MPP7: variants seen among roughly 807,000 people sequenced by gnomAD.
MPP7 encodes the protein MAGUK p55 subfamily member 7.
A neutral mutation model predicts 76.5 loss-of-function variants in MPP7; 60 were observed. The ratio of observed to expected loss-of-function variants is 0.78; its 90% CI spans 0.64 to 0.97. The LOEUF is 0.97. MPP7 is among the 50% of genes least tolerant of loss of function. MPP7 has a pLI of 0.00. For missense variants in MPP7, 641 were observed against 694.0 expected, an observed-to-expected ratio of 0.92 and a Z score of 0.86; for synonymous variants, 237 against 244.5, an observed-to-expected ratio of 0.97 and a Z score of 0.29.
intron 2 of MPP7, among the ~76,000 whole-genome samples, chr10:28,204,637 A>G (rs973468790): frequency 1.3e-5 from 2 of 152,198 alleles, no homozygotes; most frequent in African/African-American, 2.4e-5. Context: ...ACATGAGATC[A>G]TAACATCAAT....
chr10:28,152,168 G>C (rs1438078926), intron 3 of MPP7, among the ~76,000 whole-genome samples: 3 of 152,068 alleles, frequency 2.0e-5, no homozygotes, highest in African/African-American at 7.3e-5. Flanking sequence ...TTCACAAATA[G>C]TCAGTTTCTC....
chr10:28,081,753 G>A (rs1852770717), intron 12 of MPP7, among the ~76,000 whole-genome samples: 1 of 149,308 alleles, frequency 6.7e-6, no homozygotes, highest in South Asian at 2.1e-4. Context: ...GAAACACTGG[G>A]CAAAAAATTA....
At position 28,103,326 on chromosome 10, in the gene MPP7, G is replaced by A. The variant is rs116676183; in HGVS notation, c.953-13485C>T. Reference sequence around the variant, plus strand: ...ATCCTGTCTCGGGGCCTTTGTACACGCTGTTGGGGGCCTGTGCACATGGAT... The same window carrying A: ...ATCCTGTCTCGGGGCCTTTGTACACACTGTTGGGGGCCTGTGCACATGGAT... On this transcript the variant is annotated intron_variant, in intron 11 of 16. Transcript: ENST00000683449. Among the ~76,000 whole-genome samples, 928 of 148,752 alleles carry A rather than the reference G, an allele frequency of 6.2e-3. 8 individuals carry two copies. The highest frequency in any genetic ancestry group is 0.022 in the African/African-American group (888 of 40,060).
At chr10:28,270,776 C>T (rs1474121054) in intron 1 of MPP7, among the ~76,000 whole-genome samples, 1 of 152,166 alleles carries the variant, frequency 6.6e-6, no homozygotes, top group African/African-American at 2.4e-5. Context: ...AAACCTCTGG[C>T]TGTAATGCCT....
intron 11 of MPP7, among the ~76,000 whole-genome samples, chr10:28,096,457 G>A (rs919827576): frequency 6.6e-6 from 1 of 151,996 alleles, no homozygotes; most frequent in African/African-American, 2.4e-5. Context: ...TCTGTAAATT[G>A]TTGGTTTATA....
At chr10:28,286,960 G>T (rs1292832670) in intron 1 of MPP7, among the ~76,000 whole-genome samples, 1 of 152,066 alleles carries the variant, frequency 6.6e-6, no homozygotes, top group Non-Finnish European at 1.5e-5. Context: ...GGAGCTGTGC[G>T]GCATACTGAA....
intron 3 of MPP7, among the ~76,000 whole-genome samples, chr10:28,153,148 G>A (rs981851999): frequency 6.6e-6 from 1 of 152,118 alleles, no homozygotes; most frequent in African/African-American, 2.4e-5. Context: ...TAGCTACTCG[G>A]GAGGCTGAGG....
At chr10:28,137,588 G>A (rs1270269951) in intron 5 of MPP7, among the ~76,000 whole-genome samples, 3 of 152,118 alleles carry the variant, frequency 2.0e-5, no homozygotes, top group African/African-American at 7.2e-5. Context: ...TAATTTCATA[G>A]GCATTAAGTT....
intron 2 of MPP7, among the ~76,000 whole-genome samples, chr10:28,235,162 C>T (rs1021189931): frequency 2.6e-5 from 4 of 151,350 alleles, no homozygotes; most frequent in Non-Finnish European, 5.9e-5. Flanking sequence ...GAGACGACAA[C>T]TAAATGTAAT....
chr10:28,285,507 T>C (rs1840770867), intron 1 of MPP7, among the ~76,000 whole-genome samples: 1 of 152,194 alleles, frequency 6.6e-6, no homozygotes, highest in South Asian at 2.1e-4. Context: ...CTGTACTAAC[T>C]AGATCTCAAA....
chr10:28,226,403 T>C (rs1355663460), intron 2 of MPP7, among the ~76,000 whole-genome samples: 1 of 152,104 alleles, frequency 6.6e-6, no homozygotes, highest in Non-Finnish European at 1.5e-5. Flanking sequence ...CACACCACCA[T>C]GCCTAGCTAA....
At chr10:28,058,331 C>T (rs1851643353) in intron 15 of MPP7, among the ~76,000 whole-genome samples, 164 bp downstream of exon 15, 1 of 152,142 alleles carries the variant, frequency 6.6e-6, no homozygotes, top group Non-Finnish European at 1.5e-5. Flanking sequence ...TTTTTCTCCA[C>T]CAAAGATGTC....
intron 2 of MPP7, among the ~76,000 whole-genome samples, chr10:28,311,957 G>C (rs1210012672): frequency 6.6e-6 from 1 of 152,100 alleles, no homozygotes; most frequent in South Asian, 2.1e-4. Flanking sequence ...TTAAAAAAAA[G>C]ATCAATTTTT....
intron 13 of MPP7, among the ~76,000 whole-genome samples, chr10:28,061,187 A>C (rs1268371511): frequency 6.6e-6 from 1 of 152,152 alleles, no homozygotes; most frequent in Non-Finnish European, 1.5e-5. Flanking sequence ...AACAAAAAAA[A>C]CACCAATTTT....
At chr10:28,134,954 G>C (rs1287081619) in intron 5 of MPP7, among the ~76,000 whole-genome samples, 2 of 152,060 alleles carry the variant, frequency 1.3e-5, no homozygotes, top group African/African-American at 4.8e-5. Context: ...CAAGAATAAA[G>C]ATGAGGACCA....
intron 1 of MPP7, among the ~76,000 whole-genome samples, chr10:28,264,323 G>A (rs1302491788): frequency 2.0e-5 from 3 of 151,862 alleles, no homozygotes; most frequent in African/African-American, 7.3e-5. Context: ...CTAAAAATTG[G>A]GGCAAAGAGC....
chr10:28,160,454 T>G (rs1198387803), intron 3 of MPP7, among the ~76,000 whole-genome samples: 1 of 152,108 alleles, frequency 6.6e-6, no homozygotes. Flanking sequence ...GCATGAGCAG[T>G]TTTACCCATC....
At chr10:28,145,593 AG>A (rs1835677674) in intron 5 of MPP7, among the ~76,000 whole-genome samples, 1 of 152,246 alleles carries the variant, frequency 6.6e-6, no homozygotes, top group Non-Finnish European at 1.5e-5. Flanking sequence ...AATGACTTCA[AG>A]AAAAGCAATG....
At chr10:28,072,555 C>T (rs959452675) in intron 12 of MPP7, among the ~76,000 whole-genome samples, 1 of 152,232 alleles carries the variant, frequency 6.6e-6, no homozygotes, top group African/African-American at 2.4e-5. Context: ...GTGGAAACCA[C>T]TCTCTATGAC....
Sources: gnomAD v4.1 joint callset for allele counts (sites outside exome capture counted in the v4.1 genomes callset) on GRCh38, gnomAD v4.1.1 for gene constraint, MANE v1.5 for transcripts, NCBI Gene and HGNC (gene_info 2026-07-23, HGNC 2026-07-21) for gene names.